Variants in COL4A4 observed in about 807,000 individuals in gnomAD.
The protein encoded by COL4A4 is collagen alpha-4(IV) chain.
A neutral mutation model predicts 192.9 loss-of-function variants in COL4A4; 105 were observed. That is an observed-to-expected ratio of 0.54 (90% CI 0.46 to 0.64). The LOEUF is 0.64. COL4A4 is among the 30% of genes least tolerant of loss of function. The pLI is 0.00. For missense variants in COL4A4, 1,967 were observed against 2,169.3 expected, an observed-to-expected ratio of 0.91 and a Z score of 1.85; for synonymous variants, 762 against 769.9, an observed-to-expected ratio of 0.99 and a Z score of 0.17.
intron 20 of COL4A4, 49 bp from the exon 21 acceptor site, chr2:227,090,006 G>T: frequency 6.8e-7 from 1 of 1,465,826 alleles, no homozygotes; most frequent in Non-Finnish European, 9.5e-7. Context: ...TAATTTTTCT[G>T]ACTGTCTTCT....
At chr2:227,032,887 A>C (rs1968737377) in intron 38 of COL4A4, among the ~76,000 whole-genome samples, 1 of 152,246 alleles carries the variant, frequency 6.6e-6, no homozygotes. Flanking sequence ...TTTCTGAGAA[A>C]GTAACGCAAC....
chr2:227,163,509 T>C (rs557215401), intron 1 of COL4A4, among the ~76,000 whole-genome samples: 17 of 152,382 alleles, frequency 1.1e-4, no homozygotes, highest in African/African-American at 3.6e-4. Context: ...AACATTCTTC[T>C]GAGAAACAGT....
intron 18 of COL4A4, 36 bp downstream of exon 18, chr2:227,099,584 G>C: frequency 1.3e-6 from 2 of 1,594,706 alleles, no homozygotes; most frequent in Non-Finnish European, 1.7e-6. Context: ...TCCTATTTCT[G>C]CATAATTTAT....
At chr2:227,023,111 C>T (rs944515707) in intron 43 of COL4A4, among the ~76,000 whole-genome samples, 5 of 151,924 alleles carry the variant, frequency 3.3e-5, no homozygotes, top group Non-Finnish European at 5.9e-5. Flanking sequence ...AACATGTTCC[C>T]AGGGAGGCTG....
Position 227,088,775 on chromosome 2 carries a change from G to A in COL4A4, c.1501C>T (p.Pro501Ser), listed in dbSNP as rs755819211. 1.9e-6 allele frequency: 3 copies of A among 1,614,080 alleles called. No individual in the cohort carries two copies. In the South Asian group the frequency reaches 3.3e-5, roughly 18 times the overall value. The change falls in exon 22 of 48, where the codon CCC (proline) becomes TCC (serine). Residue 501 changes from proline (P) to serine (S), a missense_variant. By Grantham distance (74) the Pro-to-Ser change is moderately conservative (BLOSUM62 -1). Coordinates refer to ENST00000396625, the MANE Select transcript of COL4A4 (RefSeq NM_000092.5). ...LCACEPGPMG[P>S]PGPPGLPGRQ... Reference sequence around the variant, plus strand: ...CCAGGAAGTCCTGGAGGGCCAGGGGGGCCCATGGGTCCAGGCTCACAGGCA... The same window carrying A: ...CCAGGAAGTCCTGGAGGGCCAGGGGAGCCCATGGGTCCAGGCTCACAGGCA...
At chr2:227,090,911 C>T (rs2059884518) in intron 20 of COL4A4, among the ~76,000 whole-genome samples, 3 of 146,038 alleles carry the variant, frequency 2.1e-5, no homozygotes. Context: ...AAACAGGAAG[C>T]TTAGAAAGCT....
chr2:227,102,927 G>GA (rs936481327), intron 14 of COL4A4, 79 bp from the exon 15 acceptor site: 16 of 831,596 alleles, frequency 1.9e-5, no homozygotes, highest in South Asian at 3.2e-5. Flanking sequence ...CAGCAATAGG[G>GA]AAAAAAAACA....
intron 30 of COL4A4, among the ~76,000 whole-genome samples, chr2:227,055,504 A>G (rs1431541371): frequency 6.6e-6 from 1 of 151,936 alleles, no homozygotes; most frequent in Non-Finnish European, 1.5e-5. Context: ...CCTAAAAAAA[A>G]TAATAATAAT....
At chr2:227,084,507 T>C (rs1284598021) in intron 22 of COL4A4, among the ~76,000 whole-genome samples, 2 of 152,010 alleles carry the variant, frequency 1.3e-5, no homozygotes, top group African/African-American at 2.4e-5. Flanking sequence ...ATAGACTTAT[T>C]TGAGCTAGTA....
At chr2:226,985,555 G>A in the COL4A4 span, among the ~76,000 whole-genome samples, 4 of 152,198 alleles carry the variant, frequency 2.6e-5, no homozygotes, top group African/African-American at 9.7e-5. Flanking sequence ...AATGAAACTC[G>A]GGTGGATATG....
chr2:227,021,686 G>A (rs745475118), intron 44 of COL4A4, among the ~76,000 whole-genome samples: 4 of 152,072 alleles, frequency 2.6e-5, no homozygotes, highest in South Asian at 2.1e-4. Context: ...TTAGCTGAGC[G>A]TGGTGGTGGG....
intron 25 of COL4A4, among the ~76,000 whole-genome samples, chr2:227,067,391 C>T (rs1405102559): frequency 3.3e-5 from 5 of 152,198 alleles, no homozygotes; most frequent in African/African-American, 7.2e-5. Flanking sequence ...CAGAACTCTC[C>T]ACCCCAAATC....
In COL4A4 at chr2:227,041,822, A is replaced by AAG. The variant is rs1185055393; in HGVS notation, c.3505+324_3505+325dup. Reference sequence around the variant, plus strand: ...AAAGAAAGGAAGAAAGAAAGAAAGAAAGAAAGAAAGAAAGAAAGAAAGAAA... The same window carrying AAG: ...AAAGAAAGGAAGAAAGAAAGAAAGAAAGAGAAAGAAAGAAAGAAAGAAAGAAA... On this transcript the variant is annotated intron_variant, in intron 37 of 47. Transcript: ENST00000396625. 9.5e-4 allele frequency among the ~76,000 whole-genome samples: 38 copies of AAG among 39,820 alleles called. 1 individual carries two copies. Among genetic ancestry groups the AAG allele is most frequent in the Non-Finnish European group, 1.3e-3 (29 of 22,852 alleles). The allele number at this position is 39,820 out of a possible 152,430, so 26.1% of individuals were successfully genotyped here. A position where few individuals can be genotyped will look rare whatever the true frequency, so the allele number is the denominator to read the frequency against.
At chr2:227,064,976 C>T (rs886486790) in intron 25 of COL4A4, among the ~76,000 whole-genome samples, 4 of 152,174 alleles carry the variant, frequency 2.6e-5, no homozygotes, top group Non-Finnish European at 2.9e-5. Flanking sequence ...TCTGAGGTAC[C>T]GGGTTCATCT....
the COL4A4 span, among the ~76,000 whole-genome samples, chr2:226,976,955 A>C: frequency 2.6e-5 from 4 of 152,160 alleles, no homozygotes; most frequent in Admixed American, 2.0e-4. Context: ...AGAGGCCCCA[A>C]ACAAACAGGG....
At chr2:227,153,517 C>T (rs984627202) in intron 1 of COL4A4, among the ~76,000 whole-genome samples, 9 of 152,100 alleles carry the variant, frequency 5.9e-5, no homozygotes, top group African/African-American at 2.2e-4. Context: ...CGGAAAGGCT[C>T]GAGATAAGCC....
downstream of COL4A4, among the ~76,000 whole-genome samples, chr2:227,000,163 C>T (rs757001826): frequency 6.6e-6 from 1 of 150,798 alleles, no homozygotes; most frequent in South Asian, 2.1e-4. Context: ...GGTCTTCAGA[C>T]TCTCGTTATA....
intron 4 of COL4A4, among the ~76,000 whole-genome samples, chr2:227,125,798 C>T (rs1160820143): frequency 6.6e-6 from 1 of 152,176 alleles, no homozygotes; most frequent in African/African-American, 2.4e-5. Flanking sequence ...AGATGCCTCT[C>T]CAAGGTGCCT....
intron 1 of COL4A4, among the ~76,000 whole-genome samples, chr2:227,156,395 T>A (rs1250883329): frequency 1.7e-4 from 23 of 135,154 alleles, no homozygotes; most frequent in South Asian, 2.4e-4. Flanking sequence ...AAACCCCGTC[T>A]AAAAAAAAAA....
Sources: gnomAD v4.1 joint callset for allele counts (sites outside exome capture counted in the v4.1 genomes callset) on GRCh38, gnomAD v4.1.1 for gene constraint, MANE v1.5 for transcripts, NCBI Gene and HGNC (gene_info 2026-07-23, HGNC 2026-07-21) for gene names.